Variants in CEP85L observed in about 807,000 individuals in gnomAD.
CEP85L encodes centrosomal protein 85L, also known as centrosomal protein of 85 kDa-like.
CEP85L carries 60 observed loss-of-function variants against 100.3 expected under a neutral mutation model. The observed-to-expected ratio is 0.60, with a 90% CI of 0.49 to 0.74. CEP85L has a LOEUF of 0.74. Among genes scored for constraint, CEP85L ranks in the 30% least tolerant of loss-of-function variants. CEP85L has a pLI of 0.00. For missense variants in CEP85L, 973 were observed against 936.2 expected (o/e 1.04, Z -0.51); for synonymous variants, 319 against 322.7 (o/e 0.99, Z 0.12).
At chr6:118,565,444 A>G in intron 3 of CEP85L, 85 bp downstream of exon 3, 1 of 1,267,994 alleles carries the variant, frequency 7.9e-7, no homozygotes, top group South Asian at 1.4e-5. Flanking sequence ...CAATCTGTGA[A>G]CACTTGTTAT....
Position 118,465,266 on chromosome 6 carries a change from C to T in CEP85L, c.*139G>A. 1.5e-6 allele frequency: 1 copy of T among 688,760 alleles called. No homozygotes were observed. The highest frequency in any genetic ancestry group is 2.3e-6 in the Non-Finnish European group (1 of 432,536). 42.7% of individuals were successfully genotyped at this position (688,760 alleles called of 1,614,324 possible). On this transcript the variant is annotated 3_prime_UTR_variant, in exon 13 of 13. Coordinates refer to ENST00000368491, the MANE Select transcript of CEP85L (RefSeq NM_001042475.3). ...GCCCCTTCAAAATCTCTTCACTTCC[C>T]TTCTCCCCTTCAACAAAACAAATCC...
chr6:118,677,488 A>C (rs1776519097), intron 1 of CEP85L, among the ~76,000 whole-genome samples: 1 of 152,152 alleles, frequency 6.6e-6, no homozygotes, highest in Admixed American at 6.5e-5. Flanking sequence ...AGTGAAACTG[A>C]GCTCATTCAC....
At chr6:118,599,424 T>C (rs1235029731) in intron 2 of CEP85L, among the ~76,000 whole-genome samples, 1 of 152,166 alleles carries the variant, frequency 6.6e-6, no homozygotes. Flanking sequence ...TCACATAGTC[T>C]ATACTGGCAT....
At chr6:118,578,984 C>T (rs1780408802) in intron 2 of CEP85L, among the ~76,000 whole-genome samples, 1 of 152,104 alleles carries the variant, frequency 6.6e-6, no homozygotes, top group Admixed American at 6.5e-5. Flanking sequence ...TAGCCCCAAC[C>T]TCCCAAGCTC....
intron 1 of CEP85L, among the ~76,000 whole-genome samples, chr6:118,660,505 T>C (rs867316129): frequency 6.6e-6 from 1 of 152,250 alleles, no homozygotes; most frequent in Non-Finnish European, 1.5e-5. Context: ...CCCATACTCC[T>C]ACTTACTTGA....
chr6:118,605,567 T>C (rs1420955276), intron 2 of CEP85L, among the ~76,000 whole-genome samples: 2 of 152,064 alleles, frequency 1.3e-5, no homozygotes, highest in African/African-American at 4.8e-5. Flanking sequence ...CAGCCTTTGA[T>C]TTTGAGAGGG....
intron 4 of CEP85L, among the ~76,000 whole-genome samples, chr6:118,517,016 T>C (rs1367180439): frequency 1.7e-5 from 2 of 117,034 alleles, no homozygotes; most frequent in Non-Finnish European, 4.2e-5. Flanking sequence ...CCTTTCCCCA[T>C]TGCTTGTTTT....
At chr6:118,659,648 A>G (rs566308830) in intron 1 of CEP85L, among the ~76,000 whole-genome samples, 15 of 152,234 alleles carry the variant, frequency 9.9e-5, no homozygotes, top group Non-Finnish European at 1.8e-4. Flanking sequence ...CGGGGAGAAT[A>G]GAGAGAAAAG....
chr6:118,600,351 G>GTC lies in CEP85L; in HGVS notation c.232+32101_232+32102insGA, dbSNP rs1562298002. ...TGTGTGTGTGTGTGTGTGTGTGTGTGTGTGTGTGTGTGTGTGTGTAACGCC... is the reference window on the plus strand; with the variant it reads ...TGTGTGTGTGTGTGTGTGTGTGTGTGTCTGTGTGTGTGTGTGTGTGTAACGCC... On this transcript the variant is annotated intron_variant, in intron 2 of 12. Coordinates refer to ENST00000368491, the MANE Select transcript of CEP85L (RefSeq NM_001042475.3). Among the ~76,000 whole-genome samples, 135 of 138,966 alleles carry GTC rather than the reference G, an allele frequency of 9.7e-4. 13 individuals are homozygous for GTC. The highest frequency in any genetic ancestry group is 3.5e-3 in the African/African-American group (131 of 37,478). The allele number at this position is 138,966 out of a possible 152,430, so 91.2% of individuals were successfully genotyped here.
At chr6:118,660,463 A>G (rs951013367) in intron 1 of CEP85L, among the ~76,000 whole-genome samples, 3 of 152,244 alleles carry the variant, frequency 2.0e-5, no homozygotes, top group African/African-American at 7.2e-5. Context: ...ACTGTCATTT[A>G]TAAGGCAATG....
intron 2 of CEP85L, among the ~76,000 whole-genome samples, chr6:118,579,143 G>T (rs972790649): frequency 2.0e-5 from 3 of 152,160 alleles, no homozygotes; most frequent in Admixed American, 6.5e-5. Flanking sequence ...CAATCTGCCT[G>T]CCTTGGCTTC....
intron 1 of CEP85L, among the ~76,000 whole-genome samples, chr6:118,676,832 C>G (rs538142103): frequency 2.0e-5 from 3 of 152,184 alleles, no homozygotes; most frequent in Admixed American, 2.0e-4. Flanking sequence ...CTTTTCTCTA[C>G]GCCCTTGTCA....
chr6:118,487,212 T>C (rs551900456), intron 6 of CEP85L, among the ~76,000 whole-genome samples: 5 of 152,274 alleles, frequency 3.3e-5, no homozygotes, highest in South Asian at 2.1e-4. Context: ...TGTGTAAAGA[T>C]CCTGATACCA....
At chr6:118,565,293 T>C (rs1159499038) in intron 3 of CEP85L, 1 of 520,116 alleles carries the variant, frequency 1.9e-6, no homozygotes, top group Non-Finnish European at 3.4e-6. Context: ...ATTTAACAAA[T>C]GAAAAGGAAA....
intron 1 of CEP85L, among the ~76,000 whole-genome samples, chr6:118,697,287 T>A (rs779578735): frequency 6.6e-6 from 1 of 152,224 alleles, no homozygotes; most frequent in Non-Finnish European, 1.5e-5. Flanking sequence ...GTCACACTTA[T>A]ATGAATCCCA....
At position 118,703,742 on chromosome 6, in the gene CEP85L, T is replaced by C. The variant is rs572903091; in HGVS notation, c.-28+6294A>G. 5.3e-5 allele frequency among the ~76,000 whole-genome samples: 8 copies of C among 152,288 alleles called. No individual in the cohort carries two copies. In the East Asian group the frequency reaches 1.5e-3, roughly 29 times the overall value. On this transcript the variant is annotated intron_variant, in intron 1 of 13. Coordinates refer to the CEP85L transcript ENST00000368488. The stretch of plus-strand genomic sequence containing the variant: ...CTCTTGTATTATATCTGGTAGGTAC[T>C]TTTGGGTGAGGGTTGTGTGGGGAAA...
chr6:118,595,134 A>G (rs1391240226), intron 2 of CEP85L, among the ~76,000 whole-genome samples: 2 of 152,194 alleles, frequency 1.3e-5, no homozygotes, highest in East Asian at 3.8e-4. Flanking sequence ...TACTTCAAAA[A>G]CAACTTCCTC....
At chr6:118,637,705 A>AAAC (rs1287071858) in intron 1 of CEP85L, among the ~76,000 whole-genome samples, 1 of 148,880 alleles carries the variant, frequency 6.7e-6, no homozygotes, top group Non-Finnish European at 1.5e-5. Context: ...GACTGTCTCA[A>AAAC]AAAAAAAAAA....
chr6:118,499,725 G>C (rs1453143123), intron 5 of CEP85L, among the ~76,000 whole-genome samples: 2 of 151,776 alleles, frequency 1.3e-5, no homozygotes, highest in Admixed American at 6.6e-5. Context: ...AATAGAGGAA[G>C]CTTCTTCAAT....
Sources: allele counts gnomAD v4.1 joint callset (sites outside exome capture counted in the v4.1 genomes callset), GRCh38; gene constraint gnomAD v4.1.1; transcripts MANE v1.5; gene names NCBI Gene and HGNC (gene_info 2026-07-23, HGNC 2026-07-21).